CHCHD3: variants seen among roughly 807,000 people sequenced by gnomAD.
The protein encoded by CHCHD3 is MICOS complex subunit MIC19.
CHCHD3 carries 20 observed loss-of-function variants against 38.2 expected under a neutral mutation model. That is an observed-to-expected ratio of 0.52 (90% CI 0.37 to 0.76). The LOEUF (loss-of-function observed/expected upper bound fraction) is 0.76, where lower values mean the gene tolerates loss of function less well. Ranked by LOEUF, CHCHD3 falls within the 30% of genes least tolerant of loss-of-function variation. The pLI is 0.00. For synonymous variants in CHCHD3, 82 were observed against 100.0 expected, an observed-to-expected ratio of 0.82 and a Z score of 1.07; for missense variants, 245 against 279.2, an observed-to-expected ratio of 0.88 and a Z score of 0.87.
rs184369781 is a variant in CHCHD3, at chr7:133,034,590, G to A, written c.170-9963C>T. 765 of 1,497,720 alleles carry A rather than the reference G, an allele frequency of 5.1e-4. 9 individuals carry two copies. The African/African-American group carries it at 0.01, about 20-fold the overall frequency. 92.8% of individuals were successfully genotyped at this position (1,497,720 alleles called of 1,614,324 possible). A position where few individuals can be genotyped will look rare whatever the true frequency, so the allele number is the denominator to read the frequency against. ...CTGAAGGGCAGGTGCAGGCAGCTAG[G>A]TGATGGCAAGAGATGTTCACTTGAA... On this transcript the variant is annotated intron_variant, in intron 2 of 7. Transcript: ENST00000262570.
chr7:133,017,471 C>CA (rs1460028183), intron 3 of CHCHD3, among the ~76,000 whole-genome samples: 1 of 152,192 alleles, frequency 6.6e-6, no homozygotes. Flanking sequence ...GACACTTCGA[C>CA]AAGACTATTA....
intron 6 of CHCHD3, among the ~76,000 whole-genome samples, chr7:132,816,534 C>G (rs2117059689): frequency 6.6e-6 from 1 of 152,280 alleles, no homozygotes; most frequent in South Asian, 2.1e-4. Context: ...CACGATCTCT[C>G]CAGAAAGTCC....
intron 4 of CHCHD3, among the ~76,000 whole-genome samples, chr7:132,904,505 A>G (rs923129024): frequency 1.3e-4 from 20 of 152,222 alleles, no homozygotes; most frequent in Non-Finnish European, 4.4e-5. Flanking sequence ...CATCATCATT[A>G]GTCATCAGAG....
In CHCHD3 at chr7:133,011,994, G is replaced by A. The variant is rs116045137; in HGVS notation, c.251+12552C>T. On this transcript the variant is annotated intron_variant, in intron 3 of 7. Transcript: ENST00000262570. ...GGCTGGAGTGCAATGGCGCAATCTC[G>A]GCTCACTGCAACCTCAGAAAGTTGA... is the stretch of plus-strand genomic sequence containing the variant. 7.3e-3 allele frequency among the ~76,000 whole-genome samples: 1,114 copies of A among 152,060 alleles called. 13 individuals are homozygous for A. The highest frequency in any genetic ancestry group is 0.026 in the African/African-American group (1,074 of 41,458).
At chr7:132,796,795 T>C (rs1370921258) in intron 6 of CHCHD3, among the ~76,000 whole-genome samples, 10 of 152,190 alleles carry the variant, frequency 6.6e-5, no homozygotes, top group Admixed American at 2.0e-4. Flanking sequence ...GTTCCACTAA[T>C]TGACACTACT....
rs558444649 is a variant in CHCHD3 at position 133,026,739 on chromosome 7, T to C, written c.170-2112A>G. Among the ~76,000 whole-genome samples, 6 of 152,250 alleles carry C rather than the reference T, an allele frequency of 3.9e-5. No individual in the cohort carries two copies. In the South Asian group the frequency reaches 1.2e-3, roughly 32 times the overall value. ...ATACATGCTACAACATGATGAATCT[T>C]GAAAACACTACGCTAAGGGAAAGAA... On this transcript the variant is annotated intron_variant, in intron 2 of 7. Coordinates refer to ENST00000262570, the MANE Select transcript of CHCHD3 (RefSeq NM_017812.4).
At chr7:133,043,360 G>A (rs1303002238) in intron 2 of CHCHD3, among the ~76,000 whole-genome samples, 8 of 152,050 alleles carry the variant, frequency 5.3e-5, no homozygotes, top group Non-Finnish European at 7.4e-5. Context: ...AGACAAAATC[G>A]ACTGGACACG....
intron 4 of CHCHD3, chr7:132,887,053 TCA>T: frequency 1.8e-5 from 15 of 832,060 alleles, no homozygotes; most frequent in South Asian, 1.6e-4. Context: ...TTTCCTAATT[TCA>T]CACACACACA....
chr7:132,845,193 G>A (rs1057105476), intron 5 of CHCHD3: 9 of 152,146 alleles, frequency 5.9e-5, no homozygotes, highest in African/African-American at 2.2e-4. Flanking sequence ...AACAGGACTA[G>A]TGTAACAATG....
chr7:132,925,324 C>A (rs1045928081), intron 4 of CHCHD3, among the ~76,000 whole-genome samples: 1 of 152,110 alleles, frequency 6.6e-6, no homozygotes, highest in Non-Finnish European at 1.5e-5. Context: ...GCTGCAAGTA[C>A]AAGCCACTGA....
chr7:132,954,426 G>T (rs138705916), intron 4 of CHCHD3, among the ~76,000 whole-genome samples: 5 of 152,128 alleles, frequency 3.3e-5, no homozygotes, highest in Admixed American at 3.3e-4. Flanking sequence ...CAGTTTAGGA[G>T]AATGTGGAAG....
At chr7:132,803,467 T>C in intron 6 of CHCHD3, among the ~76,000 whole-genome samples, 1 of 152,200 alleles carries the variant, frequency 6.6e-6, no homozygotes, top group East Asian at 1.9e-4. Context: ...ATACAATGCA[T>C]CAATCATAGA....
At chr7:132,917,285 G>C (rs1336589326) in intron 4 of CHCHD3, among the ~76,000 whole-genome samples, 2 of 145,278 alleles carry the variant, frequency 1.4e-5, no homozygotes, top group African/African-American at 4.9e-5. Flanking sequence ...TGCTGAAATT[G>C]AATTCTTACA....
intron 4 of CHCHD3, among the ~76,000 whole-genome samples, chr7:132,911,245 G>A (rs1033097011): frequency 3.9e-5 from 6 of 152,142 alleles, no homozygotes; most frequent in Non-Finnish European, 8.8e-5. Context: ...GGAACAATAT[G>A]GGAAGGGGTC....
At chr7:132,818,007 A>G (rs1171573942) in intron 6 of CHCHD3, among the ~76,000 whole-genome samples, 2 of 152,196 alleles carry the variant, frequency 1.3e-5, no homozygotes, top group South Asian at 4.1e-4. Context: ...TTGGGAGTGT[A>G]TTATATTGCT....
chr7:133,071,180 G>C (rs557890267), intron 1 of CHCHD3, among the ~76,000 whole-genome samples: 1 of 152,244 alleles, frequency 6.6e-6, no homozygotes, highest in African/African-American at 2.4e-5. Context: ...ACCACTACCT[G>C]AGACTTGCTT....
At chr7:132,965,943 A>T in intron 4 of CHCHD3, among the ~76,000 whole-genome samples, 1 of 152,220 alleles carries the variant, frequency 6.6e-6, no homozygotes, top group East Asian at 1.9e-4. Context: ...TAATCAACAA[A>T]TTTCTATGAC....
Position 132,897,393 on chromosome 7 carries a change from G to A in CHCHD3, c.370-11648C>T, listed in dbSNP as rs1440028745. Among the ~76,000 whole-genome samples, 2 of 152,036 alleles carry A rather than the reference G, an allele frequency of 1.3e-5. 1 individual carries two copies. Among genetic ancestry groups the A allele is most frequent in the Admixed American group, 1.3e-4 (2 of 15,260 alleles). On this transcript the variant is annotated intron_variant, in intron 4 of 7. Transcript: ENST00000262570. ...TGTTCAATTTAAATTTAGACTTAAT[G>A]TTCACACTATTGGGACCAATTGGCC...
chr7:132,816,231 A>G (rs1179927274), intron 6 of CHCHD3, among the ~76,000 whole-genome samples: 2 of 152,174 alleles, frequency 1.3e-5, no homozygotes, highest in East Asian at 1.9e-4. Context: ...TTCTGGCTCA[A>G]TCCACATCCT....
Sources: gnomAD v4.1 joint callset for allele counts (sites outside exome capture counted in the v4.1 genomes callset) on GRCh38, gnomAD v4.1.1 for gene constraint, MANE v1.5 for transcripts, NCBI Gene and HGNC (gene_info 2026-07-23, HGNC 2026-07-21) for gene names.